ZNF704: variants seen among roughly 807,000 people sequenced by gnomAD.
ZNF704 encodes the protein glucocorticoid induced gene 1.
In ZNF704, 10 loss-of-function variants were observed where a neutral mutation model predicts 44.7. The observed-to-expected ratio is 0.22, with a 90% CI of 0.14 to 0.38. The LOEUF (loss-of-function observed/expected upper bound fraction) is 0.38, where lower values mean the gene tolerates loss of function less well. ZNF704 is among the 10% of genes least tolerant of loss of function. The probability of loss-of-function intolerance (pLI) is 1.00; values close to 1 mark genes in which losing one functional copy is unlikely to be tolerated. For synonymous variants in ZNF704, 211 were observed against 207.6 expected (o/e 1.02, Z -0.14); for missense variants, 390 against 545.5 (o/e 0.71, Z 2.84).
chr8:80,878,307 A>G (rs1481271740), upstream of ZNF704, among the ~76,000 whole-genome samples: 1 of 149,410 alleles, frequency 6.7e-6, no homozygotes, highest in Non-Finnish European at 1.5e-5. Context: ...GAAGGAAGGA[A>G]GGAAGAAAAT....
chr8:80,816,468 A>G (rs12544444), intron 2 of ZNF704, among the ~76,000 whole-genome samples: 2 of 152,228 alleles, frequency 1.3e-5, no homozygotes, highest in Non-Finnish European at 2.9e-5. Flanking sequence ...GACACATGCT[A>G]TCACATGGAT....
chr8:80,743,052 A>G (rs940701587), intron 2 of ZNF704, among the ~76,000 whole-genome samples: 3 of 152,108 alleles, frequency 2.0e-5, no homozygotes, highest in African/African-American at 7.2e-5. Context: ...CCAAACATCT[A>G]TCGCCTGCCT....
intron 2 of ZNF704, among the ~76,000 whole-genome samples, chr8:80,767,813 C>T (rs541872498): frequency 6.6e-6 from 1 of 152,270 alleles, no homozygotes; most frequent in Admixed American, 6.5e-5. Flanking sequence ...ATTACCTTCT[C>T]CTTGAAACCC....
At chr8:80,701,373 G>A (rs537482102) in intron 2 of ZNF704, among the ~76,000 whole-genome samples, 11 of 151,640 alleles carry the variant, frequency 7.3e-5, no homozygotes, top group South Asian at 4.2e-4. Context: ...AGCAGCAGAC[G>A]CCCTTTCCTC....
intron 2 of ZNF704, among the ~76,000 whole-genome samples, chr8:80,704,423 G>A (rs1818863499): frequency 6.6e-6 from 1 of 152,214 alleles, no homozygotes; most frequent in Admixed American, 6.5e-5. Flanking sequence ...GTCTCCTGCT[G>A]TACAACTCCT....
At chr8:80,769,141 C>G (rs939268172) in intron 2 of ZNF704, among the ~76,000 whole-genome samples, 1 of 152,104 alleles carries the variant, frequency 6.6e-6, no homozygotes, top group African/African-American at 2.4e-5. Context: ...ACTCTATTAG[C>G]AAATGAAGTG....
At chr8:80,797,325 C>T (rs996197912) in intron 2 of ZNF704, among the ~76,000 whole-genome samples, 1 of 152,118 alleles carries the variant, frequency 6.6e-6, no homozygotes, top group Non-Finnish European at 1.5e-5. Flanking sequence ...AAGATGGAGC[C>T]CATATTTCTG....
intron 1 of ZNF704, among the ~76,000 whole-genome samples, chr8:80,822,898 G>A (rs1257830050): frequency 6.6e-6 from 1 of 152,164 alleles, no homozygotes; most frequent in East Asian, 1.9e-4. Context: ...GGGGTTGTTT[G>A]ATGTTTTCTT....
In ZNF704 at chr8:80,690,049, T is replaced by C. The variant is rs561270049; in HGVS notation, c.326-2591A>G. 1.3e-3 allele frequency among the ~76,000 whole-genome samples: 188 copies of C among 146,472 alleles called. 1 individual carries two copies. Among genetic ancestry groups the C allele is most frequent in the African/African-American group, 5.1e-3 (187 of 36,408 alleles). On this transcript the variant is annotated intron_variant, in intron 3 of 8. Transcript: ENST00000327835. ...TGATGTGCAATAATTCTAGAGAAAATCTTTTTTTCCTAAAAAAAAAAAAAG... is the reference window on the plus strand; with the variant it reads ...TGATGTGCAATAATTCTAGAGAAAACCTTTTTTTCCTAAAAAAAAAAAAAG...
upstream of ZNF704, among the ~76,000 whole-genome samples, chr8:80,875,905 A>G (rs189067536): frequency 2.1e-3 from 326 of 152,284 alleles, 1 homozygote; most frequent in Non-Finnish European, 3.6e-3. Context: ...TGATGTACCT[A>G]TTTCAGGTGA....
chr8:80,878,245 A>G (rs1346657704), upstream of ZNF704, among the ~76,000 whole-genome samples: 1 of 142,920 alleles, frequency 7.0e-6, no homozygotes, highest in Non-Finnish European at 1.5e-5. Context: ...TCAGAAAGAA[A>G]GAGAAAGAAA....
chr8:80,884,206 A>G, the ZNF704 span, among the ~76,000 whole-genome samples: 1 of 152,244 alleles, frequency 6.6e-6, no homozygotes. Context: ...GTAGATATAA[A>G]GACTGTCCTT....
Position 80,629,775 on chromosome 8 carries a change from T to G in ZNF704, c.*11591A>C, listed in dbSNP as rs1817554516. On this transcript the variant is annotated 3_prime_UTR_variant, in exon 9 of 9. Transcript: ENST00000327835. ...CTTGAAGAATATTTTTTTCTGGGATTGAGAATTAAACCCAGCAGATAAAAC... is the reference window on the plus strand; with the variant it reads ...CTTGAAGAATATTTTTTTCTGGGATGGAGAATTAAACCCAGCAGATAAAAC... 1 of 152,226 alleles carries G rather than the reference T, an allele frequency of 6.6e-6. No homozygotes were observed. Among genetic ancestry groups the G allele is most frequent in the South Asian group, 2.1e-4 (1 of 4,826 alleles). 9.4% of individuals were successfully genotyped at this position (152,226 alleles called of 1,614,324 possible).
chr8:80,776,836 T>G (rs1463323888), intron 2 of ZNF704: 1 of 152,130 alleles, frequency 6.6e-6, no homozygotes, highest in Non-Finnish European at 1.5e-5. Flanking sequence ...ATCACAATGA[T>G]GCCAAATTTA....
At chr8:80,693,130 G>T (rs1429838892) in intron 2 of ZNF704, 23 bp from the exon 3 acceptor site, 1 of 1,598,330 alleles carries the variant, frequency 6.3e-7, no homozygotes, top group African/African-American at 1.3e-5. Flanking sequence ...AAGGGACACT[G>T]GTGACTGTTC....
rs893163785 is a variant in ZNF704 at position 80,639,376 on chromosome 8, G to A, written c.*1990C>T. The A allele has an allele frequency of 6.6e-6, 1 of 152,374 alleles. No homozygotes were observed. Among genetic ancestry groups the A allele is most frequent in the African/African-American group, 2.4e-5 (1 of 41,584 alleles). 9.4% of individuals were successfully genotyped at this position (152,374 alleles called of 1,614,324 possible). On this transcript the variant is annotated 3_prime_UTR_variant, in exon 9 of 9. Transcript: ENST00000327835. ...GGGGGGTGACAGGACACCAGGAGGA[G>A]AAAGGACGTGTTAGAGTAGAGGAAA...
chr8:80,877,541 T>A (rs1809371527), upstream of ZNF704, among the ~76,000 whole-genome samples: 1 of 152,204 alleles, frequency 6.6e-6, no homozygotes, highest in South Asian at 2.1e-4. Flanking sequence ...TCCCCCACAT[T>A]CCCTAAGTGT....
At chr8:80,663,132 C>T (rs1818127234) in intron 6 of ZNF704, among the ~76,000 whole-genome samples, 1 of 152,116 alleles carries the variant, frequency 6.6e-6, no homozygotes, top group African/African-American at 2.4e-5. Context: ...ATAATCCTAG[C>T]ATGTTGGGAG....
chr8:80,738,682 C>T (rs762245283), intron 2 of ZNF704, among the ~76,000 whole-genome samples: 27 of 151,742 alleles, frequency 1.8e-4, no homozygotes, highest in Non-Finnish European at 3.7e-4. Flanking sequence ...TTAGTAGAAA[C>T]GGCAATACAG....
Sources: gnomAD v4.1 joint callset for allele counts (sites outside exome capture counted in the v4.1 genomes callset) on GRCh38, gnomAD v4.1.1 for gene constraint, MANE v1.5 for transcripts, NCBI Gene and HGNC (gene_info 2026-07-23, HGNC 2026-07-21) for gene names.